SIK2: variants seen among roughly 807,000 people sequenced by gnomAD.
SIK2 encodes serine/threonine-protein kinase SIK2.
Under a neutral mutation model 103.2 loss-of-function variants are expected in SIK2, and 29 were observed. That is an observed-to-expected ratio of 0.28 (90% CI 0.21 to 0.38). The LOEUF is 0.38. SIK2 is among the 10% of genes least tolerant of loss of function. The pLI, the probability that SIK2 is intolerant of heterozygous loss-of-function variation, is 1.00. For synonymous variants in SIK2, 412 were observed against 446.1 expected (o/e 0.92, Z 0.96); for missense variants, 879 against 1,171.0 (o/e 0.75, Z 3.64).
intron 3 of SIK2, among the ~76,000 whole-genome samples, chr11:111,660,839 CTTTTT>C (rs57174726): frequency 1.1e-4 from 10 of 90,414 alleles, no homozygotes; most frequent in Admixed American, 5.5e-4. Flanking sequence ...GTGAAGTTGG[CTTTTT>C]TTTTTTTTTT....
Position 111,723,930 on chromosome 11 carries a change from A to G in SIK2, c.2582A>G (p.Tyr861Cys), listed in dbSNP as rs1943885768. ...AGCGCTGCTTCCCCTGCGCCAGACT[A>G]TCCCACTCCCTGTCAGTATCCTGTG... The part of the protein sequence containing the change: ...LPSAASPAPD[Y>C]PTPCQYPVDG... Residue 861 changes from tyrosine (Y) to cysteine (C), a missense_variant, in exon 15 of 15, where the codon TAT (tyrosine) becomes TGT (cysteine). Coordinates refer to ENST00000304987, the MANE Select transcript of SIK2 (RefSeq NM_015191.3). The G allele has an allele frequency of 6.2e-7, 1 of 1,613,890 alleles. No individual in the cohort carries two copies. The highest frequency in any genetic ancestry group is 1.1e-5 in the South Asian group (1 of 91,044).
chr11:111,712,252 C>A lies in SIK2; in HGVS notation c.1143C>A (p.Asn381Lys), dbSNP rs1427601291. 6.2e-7 allele frequency: 1 copy of A among 1,614,124 alleles called. No individual in the cohort carries two copies. Among genetic ancestry groups the A allele is most frequent in the Non-Finnish European group, 8.5e-7 (1 of 1,180,058 alleles). The stretch of plus-strand genomic sequence containing the variant: ...TCCCAGTGACCATGCATTCACCGAA[C>A]ATGAGGCTGCTGCGATCTGCCCTCC... Reference protein sequence around the residue: ...VGLPVTMHSPNMRLLRSALLP... With the variant: ...VGLPVTMHSPKMRLLRSALLP... Residue 381 changes from asparagine (N) to lysine (K), a missense_variant, in exon 9 of 15, where the codon AAC becomes AAA. Physicochemically the swap from Asn to Lys is moderately conservative, Grantham distance 94 (BLOSUM62 0). Coordinates refer to ENST00000304987, the MANE Select transcript of SIK2 (RefSeq NM_015191.3).
chr11:111,673,515 GGA>G (rs893944216), intron 3 of SIK2, among the ~76,000 whole-genome samples: 2 of 152,118 alleles, frequency 1.3e-5, no homozygotes, highest in Non-Finnish European at 2.9e-5. Flanking sequence ...TGGGCCTCTT[GGA>G]TTTGTTCTGT....
At position 111,720,537 on chromosome 11, in the gene SIK2, A is replaced by G; in HGVS notation, c.1555A>G (p.Met519Val). Residue 519 changes from methionine (M) to valine (V), a missense_variant, in exon 11 of 15, where the codon ATG (methionine) becomes GTG (valine). By Grantham distance (21) the Met-to-Val change is conservative. Around this residue, in one of 7 missense-constraint regions of SIK2, gnomAD observed 222 missense variants for 258.0 expected, o/e 0.86. Coordinates refer to ENST00000304987, the MANE Select transcript of SIK2 (RefSeq NM_015191.3). ...TGACAGTGTGGACTCTGAGTATGAT[A>G]TGGGGTCTGTTCAGAGGGACCTGAA... ...SLDSVDSEYD[M>V]GSVQRDLNFL... 1 of 1,614,022 alleles carries G rather than the reference A, an allele frequency of 6.2e-7. No homozygotes were observed. The highest frequency in any genetic ancestry group is 8.5e-7 in the Non-Finnish European group (1 of 1,179,978).
At chr11:111,666,941 T>G (rs1402902988) in intron 3 of SIK2, among the ~76,000 whole-genome samples, 6 of 121,224 alleles carry the variant, frequency 4.9e-5, no homozygotes, top group Non-Finnish European at 1.0e-4. Flanking sequence ...TTTTTTATTT[T>G]ATTTTATTTA....
chr11:111,605,421 CTT>C (rs1158033743), intron 1 of SIK2, among the ~76,000 whole-genome samples: 1 of 152,054 alleles, frequency 6.6e-6, no homozygotes, highest in East Asian at 1.9e-4. Flanking sequence ...TTAATTAAAA[CTT>C]TTGTTTTAAA....
intron 9 of SIK2, among the ~76,000 whole-genome samples, chr11:111,717,665 C>T (rs535378151): frequency 1.4e-4 from 21 of 152,256 alleles, no homozygotes; most frequent in African/African-American, 4.8e-4. Flanking sequence ...CAGCTCTATT[C>T]ACAACAGCAA....
intron 3 of SIK2, among the ~76,000 whole-genome samples, chr11:111,632,147 T>G (rs1435289682): frequency 6.6e-6 from 1 of 152,184 alleles, no homozygotes; most frequent in Non-Finnish European, 1.5e-5. Context: ...CACATTTGGC[T>G]TCAAGCTTTG....
intron 1 of SIK2, among the ~76,000 whole-genome samples, chr11:111,613,314 C>A (rs1433589981): frequency 6.6e-6 from 1 of 151,974 alleles, no homozygotes; most frequent in Non-Finnish European, 1.5e-5. Context: ...TCCCTTCTTT[C>A]CATCTTCTTC....
At position 111,704,971 on chromosome 11, in the gene SIK2, T is replaced by C; in HGVS notation, c.949-16T>C. The stretch of plus-strand genomic sequence containing the variant: ...CTTTACAGTTCTTTGCCTTTACCAC[T>C]TGTTTTTTATTTCAGTCTTTGCAGA... On this transcript the variant is annotated splice_polypyrimidine_tract_variant and intron_variant, in intron 7 of 14. Transcript: ENST00000304987. 6.3e-7 allele frequency: 1 copy of C among 1,594,736 alleles called. No homozygotes were observed. The highest frequency in any genetic ancestry group is 8.5e-7 in the Non-Finnish European group (1 of 1,173,872).
intron 3 of SIK2, among the ~76,000 whole-genome samples, chr11:111,675,738 A>AT (rs1392905363): frequency 1.3e-5 from 2 of 151,990 alleles, no homozygotes; most frequent in African/African-American, 4.8e-5. Context: ...CCCAGTGCCA[A>AT]TTTTTTTCTT....
At chr11:111,666,872 GATAA>G (rs1233922779) in intron 3 of SIK2, among the ~76,000 whole-genome samples, 1 of 152,092 alleles carries the variant, frequency 6.6e-6, no homozygotes, top group Non-Finnish European at 1.5e-5. Context: ...ATTTTTTGCA[GATAA>G]ATAGTCATGA....
chr11:111,617,709 T>A (rs1941825821), intron 2 of SIK2, among the ~76,000 whole-genome samples: 1 of 152,178 alleles, frequency 6.6e-6, no homozygotes, highest in Non-Finnish European at 1.5e-5. Context: ...TCAGAACCTC[T>A]AGTTATGTTT....
Position 111,719,997 on chromosome 11 carries a change from G to A in SIK2, c.1489G>A (p.Gly497Arg), listed in dbSNP as rs1943753959. The A allele has an allele frequency of 6.2e-7, 1 of 1,613,226 alleles. No homozygotes were observed. The highest frequency in any genetic ancestry group is 1.1e-5 in the South Asian group (1 of 90,894). Residue 497 changes from glycine to arginine, a missense_variant, in exon 10 of 15, where the codon GGG (glycine) becomes AGG (arginine). Physicochemically the swap from Gly to Arg is moderately radical, Grantham distance 125 (BLOSUM62 -2). This residue lies in a region of SIK2 where 222 missense variants were observed against 258.0 expected (regional missense o/e 0.86). Coordinates refer to ENST00000304987, the MANE Select transcript of SIK2 (RefSeq NM_015191.3). ...GACCAATCAACTGGTCGTGATGCCT[G>A]GGGCAGGTACGGTAGAGGAGCGACA... ...EVTNQLVVMP[G>R]AGKIFSMNDS...
intron 3 of SIK2, among the ~76,000 whole-genome samples, chr11:111,620,985 C>T (rs1275213214): frequency 6.6e-6 from 1 of 152,128 alleles, no homozygotes; most frequent in Non-Finnish European, 1.5e-5. Flanking sequence ...TAGCTTTCAC[C>T]TAAAATATCT....
At chr11:111,683,002 T>G (rs1343786704) in intron 3 of SIK2, 5 of 152,202 alleles carry the variant, frequency 3.3e-5, no homozygotes, top group Admixed American at 1.3e-4. Context: ...TTTTCATTAT[T>G]AAAGTTAACA....
Position 111,720,578 on chromosome 11 carries a change from C to A in SIK2, c.1596C>A (p.Asn532Lys). Residue 532 changes from asparagine (N) to lysine (K), a missense_variant, in exon 11 of 15, where the codon AAC (asparagine) becomes AAA (lysine). Coordinates refer to ENST00000304987, the MANE Select transcript of SIK2 (RefSeq NM_015191.3). Reference protein sequence around the residue: ...VQRDLNFLEDNPSLKDIMLAN... With the variant: ...VQRDLNFLEDKPSLKDIMLAN... ...GGGACCTGAACTTTCTGGAAGACAACCCTTCCCTTAAGGACATCATGTTAG... is the reference window on the plus strand; with the variant it reads ...GGGACCTGAACTTTCTGGAAGACAAACCTTCCCTTAAGGACATCATGTTAG... 1 of 1,614,140 alleles carries A rather than the reference C, an allele frequency of 6.2e-7. No homozygotes were observed. The highest frequency in any genetic ancestry group is 8.5e-7 in the Non-Finnish European group (1 of 1,180,036).
intron 9 of SIK2, among the ~76,000 whole-genome samples, chr11:111,712,741 T>C (rs1591639220): frequency 6.6e-6 from 1 of 152,362 alleles, no homozygotes; most frequent in East Asian, 1.9e-4. Context: ...AAATTAACTT[T>C]CATGCCAAAT....
At chr11:111,651,426 C>T (rs1942324517) in intron 3 of SIK2, among the ~76,000 whole-genome samples, 1 of 152,054 alleles carries the variant, frequency 6.6e-6, no homozygotes, top group South Asian at 2.1e-4. Context: ...CAAACTAATG[C>T]CGGAACAAAA....
Sources: allele counts gnomAD v4.1 joint callset (sites outside exome capture counted in the v4.1 genomes callset), GRCh38; gene constraint gnomAD v4.1.1; regional missense constraint gnomAD v4.1.1; transcripts MANE v1.5; gene names NCBI Gene and HGNC (gene_info 2026-07-23, HGNC 2026-07-21).